The following CTNNA3 variants were observed in gnomAD, a reference collection of about 807,000 sequenced individuals.
CTNNA3 encodes catenin alpha 3.
Under a neutral mutation model 95.7 loss-of-function variants are expected in CTNNA3, and 76 were observed. The ratio of observed to expected loss-of-function variants is 0.79; its 90% CI spans 0.66 to 0.96. CTNNA3 has a LOEUF of 0.96. Among genes scored for constraint, CTNNA3 ranks in the 40% least tolerant of loss-of-function variants. The pLI, the probability that CTNNA3 is intolerant of heterozygous loss-of-function variation, is 0.00. For missense variants in CTNNA3, 1,191 were observed against 1,089.8 expected (o/e 1.09, Z -1.31); for synonymous variants, 431 against 374.4 (o/e 1.15, Z -1.74).
intron 11 of CTNNA3, among the ~76,000 whole-genome samples, chr10:66,429,066 G>A (rs1367895112): frequency 6.6e-6 from 1 of 151,984 alleles, no homozygotes; most frequent in Non-Finnish European, 1.5e-5. Flanking sequence ...AAATGATAAA[G>A]GGGATATCAC....
At chr10:66,124,091 T>C (rs2082710974) in intron 13 of CTNNA3, among the ~76,000 whole-genome samples, 1 of 152,304 alleles carries the variant, frequency 6.6e-6, no homozygotes, top group East Asian at 1.9e-4. Flanking sequence ...TTCTATCGCA[T>C]TGTCAGGCTA....
chr10:66,272,681 A>C (rs952375528), intron 13 of CTNNA3, among the ~76,000 whole-genome samples: 3 of 152,160 alleles, frequency 2.0e-5, no homozygotes, highest in Non-Finnish European at 4.4e-5. Flanking sequence ...TGTCCTGTGC[A>C]AGCCAAGCCA....
In CTNNA3 at chr10:66,270,180, C is replaced by T. The variant is rs934524460; in HGVS notation, c.1884+10290G>A. Among the ~76,000 whole-genome samples the T allele has an allele frequency of 3.4e-5, 5 of 147,454 alleles. No individual in the cohort carries two copies. In the South Asian group the frequency reaches 1.0e-3, roughly 31 times the overall value. ...TTTGAACAAATGTCCAATTTGGAAA[C>T]CAAATCAACCACTTTATTTAATGCA... On this transcript the variant is annotated intron_variant, in intron 13 of 17. Transcript: ENST00000433211.
chr10:67,643,156 T>C (rs1839594515), intron 2 of CTNNA3, among the ~76,000 whole-genome samples: 1 of 152,140 alleles, frequency 6.6e-6, no homozygotes, highest in African/African-American at 2.4e-5. Flanking sequence ...AAAGAACAAG[T>C]TCACGTCCTT....
intron 11 of CTNNA3, among the ~76,000 whole-genome samples, chr10:66,445,794 G>C (rs1404215467): frequency 3.3e-5 from 5 of 152,004 alleles, no homozygotes; most frequent in Non-Finnish European, 5.9e-5. Context: ...ACATTCAAAA[G>C]CTAGCAGAAG....
chr10:67,293,161 A>G (rs1839902513), intron 5 of CTNNA3, among the ~76,000 whole-genome samples: 1 of 152,170 alleles, frequency 6.6e-6, no homozygotes, highest in South Asian at 2.1e-4. Context: ...GCTAAGCTTG[A>G]TCAAGTAGAC....
intron 9 of CTNNA3, among the ~76,000 whole-genome samples, chr10:66,694,144 T>C (rs1334769439): frequency 6.6e-6 from 1 of 151,922 alleles, no homozygotes; most frequent in Non-Finnish European, 1.5e-5. Context: ...AGACACAAAG[T>C]ACCCTTCAAA....
intron 13 of CTNNA3, among the ~76,000 whole-genome samples, chr10:66,117,061 T>A (rs1208604002): frequency 6.6e-6 from 1 of 152,110 alleles, no homozygotes; most frequent in Non-Finnish European, 1.5e-5. Flanking sequence ...AACTTGCCAG[T>A]CAATCTGTAG....
At chr10:67,326,619 G>A (rs1841548210) in intron 5 of CTNNA3, among the ~76,000 whole-genome samples, 1 of 152,116 alleles carries the variant, frequency 6.6e-6, no homozygotes, top group Non-Finnish European at 1.5e-5. Flanking sequence ...GCTTCCCTTT[G>A]TAGGTCACCT....
At chr10:66,658,844 C>A (rs148771026) in intron 9 of CTNNA3, among the ~76,000 whole-genome samples, 2 of 152,178 alleles carry the variant, frequency 1.3e-5, no homozygotes, top group Non-Finnish European at 2.9e-5. Flanking sequence ...CAGGCACCCA[C>A]GACCACACCT....
chr10:66,295,769 A>G (rs10997042), intron 12 of CTNNA3, among the ~76,000 whole-genome samples: 20,338 of 152,184 alleles, frequency 0.13, 1,526 homozygotes, highest in East Asian at 0.28. Flanking sequence ...CGCTCAGGAA[A>G]TAACCTGTCA....
At chr10:66,549,266 G>C (rs2132102532) in intron 10 of CTNNA3, among the ~76,000 whole-genome samples, 1 of 152,140 alleles carries the variant, frequency 6.6e-6, no homozygotes, top group East Asian at 1.9e-4. Flanking sequence ...AAAGTGCTGG[G>C]ATTACAGGCG....
chr10:65,996,319 G>A (rs1271073599), intron 15 of CTNNA3, among the ~76,000 whole-genome samples: 1 of 152,120 alleles, frequency 6.6e-6, no homozygotes, highest in Non-Finnish European at 1.5e-5. Flanking sequence ...TGTCCCAGGG[G>A]CACCTTGCTT....
chr10:67,052,333 TCTCTCTCTCTCTCTC>T, intron 7 of CTNNA3, among the ~76,000 whole-genome samples: 1 of 151,570 alleles, frequency 6.6e-6, no homozygotes, highest in Non-Finnish European at 1.5e-5. Context: ...TCTCTCTCTC[TCTCTCTCTCTCTCTC>T]TCTCTCATTA....
chr10:66,188,595 CTGTGTGTG>C (rs71035114), intron 13 of CTNNA3, among the ~76,000 whole-genome samples: 43 of 121,080 alleles, frequency 3.6e-4, no homozygotes, highest in African/African-American at 1.3e-3. Flanking sequence ...GGGGGGGTCT[CTGTGTGTG>C]TGTGTGTGTG....
At chr10:66,068,517 T>C (rs546868273) in intron 15 of CTNNA3, among the ~76,000 whole-genome samples, 29 of 152,308 alleles carry the variant, frequency 1.9e-4, no homozygotes, top group African/African-American at 6.3e-4. Context: ...AGTTATTTCA[T>C]TACTCCACCT....
At chr10:67,282,424 T>C (rs1392556503) in intron 5 of CTNNA3, among the ~76,000 whole-genome samples, 5 of 152,154 alleles carry the variant, frequency 3.3e-5, no homozygotes, top group African/African-American at 1.2e-4. Flanking sequence ...AGGAAAAGGC[T>C]TCTCAAGGGA....
At chr10:66,914,128 T>C (rs979458032) in intron 7 of CTNNA3, among the ~76,000 whole-genome samples, 1 of 80,928 alleles carries the variant, frequency 1.2e-5, no homozygotes, top group Non-Finnish European at 2.5e-5. Context: ...GCAGGGTGCC[T>C]TCTTTTTTTT....
intron 15 of CTNNA3, among the ~76,000 whole-genome samples, chr10:66,007,511 C>G (rs890434559): frequency 6.6e-6 from 1 of 152,290 alleles, no homozygotes; most frequent in South Asian, 2.1e-4. Flanking sequence ...GGTAGTTATT[C>G]GGCATCATGT....
Sources: gnomAD v4.1 joint callset for allele counts (sites outside exome capture counted in the v4.1 genomes callset) on GRCh38, gnomAD v4.1.1 for gene constraint, MANE v1.5 for transcripts, NCBI Gene and HGNC (gene_info 2026-07-23, HGNC 2026-07-21) for gene names.